The following DLC1 variants were observed in gnomAD, a reference collection of about 807,000 sequenced individuals.
DLC1 encodes rho GTPase-activating protein 7.
A neutral mutation model predicts 140.3 loss-of-function variants in DLC1; 54 were observed. That is an observed-to-expected ratio of 0.38 (90% CI 0.31 to 0.48). DLC1 has a LOEUF of 0.48. DLC1 is among the 20% of genes least tolerant of loss of function. DLC1 has a pLI of 0.96. For missense variants in DLC1, 2,536 were observed against 1,907.0 expected, an observed-to-expected ratio of 1.33 and a Z score of -6.14; for synonymous variants, 986 against 728.1, an observed-to-expected ratio of 1.35 and a Z score of -5.70.
intron 2 of DLC1, among the ~76,000 whole-genome samples, chr8:13,413,188 G>A (rs938546559): frequency 2.0e-5 from 3 of 149,846 alleles, no homozygotes; most frequent in African/African-American, 7.4e-5. Flanking sequence ...CCGCAGCCCA[G>A]GACAGCTTTG....
chr8:13,122,085 T>C (rs529167762), intron 5 of DLC1, among the ~76,000 whole-genome samples: 2 of 152,240 alleles, frequency 1.3e-5, no homozygotes, highest in South Asian at 4.2e-4. Context: ...CACCCCTCCC[T>C]GCCCCCAACA....
At chr8:13,306,022 A>C (rs1458424174) in intron 4 of DLC1, among the ~76,000 whole-genome samples, 1 of 152,128 alleles carries the variant, frequency 6.6e-6, no homozygotes, top group Non-Finnish European at 1.5e-5. Context: ...GAGGTATCTT[A>C]CCTCTCAAGG....
intron 5 of DLC1, among the ~76,000 whole-genome samples, chr8:13,294,746 C>T (rs936092405): frequency 6.6e-6 from 1 of 152,152 alleles, no homozygotes; most frequent in African/African-American, 2.4e-5. Flanking sequence ...CTACATATAG[C>T]ATAGCGGCTA....
intron 2 of DLC1, among the ~76,000 whole-genome samples, chr8:13,477,137 G>A (rs1357970717): frequency 6.6e-6 from 1 of 152,086 alleles, no homozygotes; most frequent in Non-Finnish European, 1.5e-5. Context: ...TGCAGAGGAA[G>A]CACATGCTCT....
At chr8:13,115,532 C>A in intron 6 of DLC1, 54 bp downstream of exon 6, 2 of 1,500,506 alleles carry the variant, frequency 1.3e-6, no homozygotes, top group South Asian at 2.4e-5. Flanking sequence ...GTAATACTCG[C>A]GAACAAGGGA....
rs529995649 is a variant in DLC1 at position 13,577,268 on chromosome 8, G to A, written c.-126+27269C>T. Among the ~76,000 whole-genome samples the A allele has an allele frequency of 1.7e-3, 257 of 152,228 alleles. 1 individual carries two copies. Among genetic ancestry groups the A allele is most frequent in the Non-Finnish European group, 2.8e-3 (193 of 68,008 alleles). ...GTATTTTAGCTGGACAGTAGGGAGG[G>A]AGGTCTATAGAGCTGCAACTTACCA... On this transcript the variant is annotated intron_variant, in intron 1 of 1. Transcript: ENST00000631382.
chr8:13,395,851 T>C (rs1379430073), intron 3 of DLC1, among the ~76,000 whole-genome samples: 1 of 138,948 alleles, frequency 7.2e-6, no homozygotes, highest in African/African-American at 2.5e-5. Context: ...TTCTTCTTCT[T>C]CTTTGTTTTT....
chr8:13,583,393 A>C (rs887552891), intron 1 of DLC1, among the ~76,000 whole-genome samples: 2 of 152,084 alleles, frequency 1.3e-5, no homozygotes, highest in African/African-American at 4.8e-5. Context: ...ATAAGAAGCA[A>C]CTCTCTGTTG....
chr8:13,156,639 C>A (rs1016112987), intron 5 of DLC1, among the ~76,000 whole-genome samples: 1 of 152,234 alleles, frequency 6.6e-6, no homozygotes, highest in East Asian at 1.9e-4. Flanking sequence ...GGGTGGGTGT[C>A]CACATTTATA....
At chr8:13,393,185 C>T (rs1288067075) in intron 4 of DLC1, among the ~76,000 whole-genome samples, 1 of 152,102 alleles carries the variant, frequency 6.6e-6, no homozygotes, top group East Asian at 1.9e-4. Flanking sequence ...GTCTATCATT[C>T]ATCACATCTT....
intron 5 of DLC1, among the ~76,000 whole-genome samples, chr8:13,282,638 ATTCT>A (rs1298755012): frequency 6.6e-6 from 1 of 152,098 alleles, no homozygotes; most frequent in Non-Finnish European, 1.5e-5. Context: ...TTATATTTTA[ATTCT>A]TTCTTTTATC....
At chr8:13,476,632 T>C (rs946467036) in intron 2 of DLC1, among the ~76,000 whole-genome samples, 1 of 152,170 alleles carries the variant, frequency 6.6e-6, no homozygotes, top group African/African-American at 2.4e-5. Flanking sequence ...AAGGAACATG[T>C]GCCATAAGAT....
intron 1 of DLC1, among the ~76,000 whole-genome samples, chr8:13,538,842 A>G (rs1489168480): frequency 1.3e-5 from 2 of 152,212 alleles, no homozygotes; most frequent in African/African-American, 4.8e-5. Flanking sequence ...TTGAAGAAAT[A>G]GTCCTCTCTA....
chr8:13,193,498 C>G (rs1563153790), intron 5 of DLC1, among the ~76,000 whole-genome samples: 1 of 152,164 alleles, frequency 6.6e-6, no homozygotes, highest in Non-Finnish European at 1.5e-5. Flanking sequence ...AAGAGCATAA[C>G]AACTATGGCT....
intron 5 of DLC1, among the ~76,000 whole-genome samples, chr8:13,173,368 C>CTTTTTTTT (rs35778236): frequency 2.9e-5 from 3 of 103,526 alleles, no homozygotes; most frequent in African/African-American, 3.8e-5. Context: ...GTTCTGCCCT[C>CTTTTTTTT]TTTTTTTTTT....
At chr8:13,518,792 T>C (rs574136285), upstream of DLC1, among the ~76,000 whole-genome samples, 1 of 152,314 alleles carries the variant, frequency 6.6e-6, no homozygotes, top group East Asian at 1.9e-4. Flanking sequence ...ATGCATACAG[T>C]TAGTGTAATA....
Position 13,390,481 on chromosome 8 carries a change from G to C in DLC1, c.1314+3072C>G, listed in dbSNP as rs146481547. ...TACTAGAATGATTTATACTCCTTTG[G>C]ATATATACTCAGTAATTGGATTGCT... On this transcript the variant is annotated intron_variant, in intron 4 of 17. Coordinates refer to ENST00000276297, the MANE Select transcript of DLC1 (RefSeq NM_182643.3). Among the ~76,000 whole-genome samples the C allele has an allele frequency of 3.0e-3, 453 of 152,176 alleles. 4 individuals are homozygous for C. The highest frequency in any genetic ancestry group is 9.6e-3 in the African/African-American group (400 of 41,506).
intron 5 of DLC1, among the ~76,000 whole-genome samples, chr8:13,301,761 A>T (rs1293560764): frequency 2.0e-5 from 3 of 152,160 alleles, no homozygotes; most frequent in African/African-American, 7.2e-5. Flanking sequence ...TTACCGTCTG[A>T]GCTCTGGCTC....
chr8:13,600,419 C>T (rs1002174278), intron 1 of DLC1, among the ~76,000 whole-genome samples: 4 of 151,690 alleles, frequency 2.6e-5, no homozygotes, highest in Admixed American at 6.6e-5. Context: ...TATGGTTATT[C>T]GTGTTATTTG....
Sources: gnomAD v4.1 joint callset for allele counts (sites outside exome capture counted in the v4.1 genomes callset) on GRCh38, gnomAD v4.1.1 for gene constraint, MANE v1.5 for transcripts, NCBI Gene and HGNC (gene_info 2026-07-23, HGNC 2026-07-21) for gene names.